The following NUP188 variants were observed in gnomAD, a reference collection of about 807,000 sequenced individuals.
NUP188 encodes the protein nucleoporin NUP188.
Under a neutral mutation model 223.0 loss-of-function variants are expected in NUP188, and 97 were observed. The observed-to-expected ratio is 0.43, with a 90% CI of 0.37 to 0.51. The LOEUF (loss-of-function observed/expected upper bound fraction) is 0.51, where lower values mean the gene tolerates loss of function less well. Ranked by LOEUF, NUP188 falls within the 20% of genes least tolerant of loss-of-function variation. The pLI is 0.00. For synonymous variants in NUP188, 869 were observed against 828.0 expected (o/e 1.05, Z -0.85); for missense variants, 1,947 against 2,175.6 (o/e 0.89, Z 2.09).
At chr9:128,976,149 A>C (rs1166376058) in intron 12 of NUP188, among the ~76,000 whole-genome samples, 1 of 152,134 alleles carries the variant, frequency 6.6e-6, no homozygotes, top group Non-Finnish European at 1.5e-5. Context: ...TTCTGGTACA[A>C]GATGTTACAG....
At chr9:128,968,792 AGG>A (rs1842067233) in intron 9 of NUP188, 75 bp downstream of exon 9, 1 of 1,142,436 alleles carries the variant, frequency 8.8e-7, no homozygotes, top group African/African-American at 1.5e-5. Flanking sequence ...GTAAGCAGGT[AGG>A]GGGTAGGTGT....
intron 41 of NUP188, 93 bp downstream of exon 41, chr9:129,005,869 C>T: frequency 6.7e-7 from 1 of 1,491,116 alleles, no homozygotes. Flanking sequence ...GGGCATGGTA[C>T]CTAGCCTCCC....
intron 11 of NUP188, among the ~76,000 whole-genome samples, chr9:128,972,802 G>A (rs762968032): frequency 3.9e-5 from 6 of 152,146 alleles, no homozygotes; most frequent in South Asian, 2.1e-4. Context: ...GGCCCTACTC[G>A]TTGTCACTGG....
At chr9:128,998,474 G>C in intron 31 of NUP188, 64 bp from the exon 32 acceptor site, 1 of 1,385,928 alleles carries the variant, frequency 7.2e-7, no homozygotes, top group Non-Finnish European at 1.0e-6. Flanking sequence ...GAGGCCGGAG[G>C]TGCCCTGTGG....
rs1270799379 is a variant in NUP188 at position 128,987,672 on chromosome 9, T to C, written c.2348T>C (p.Ile783Thr). The change falls in exon 23 of 44, where the codon ATT (isoleucine) becomes ACT (threonine). Residue 783 changes from isoleucine to threonine, a missense_variant. Around this residue, in one of 3 missense-constraint regions of NUP188, gnomAD observed 225 missense variants for 319.1 expected, o/e 0.71. Coordinates refer to ENST00000372577, the MANE Select transcript of NUP188 (RefSeq NM_015354.3). ...CAGACAGTTATCAATATCATGGGCA[T>C]TGGCGTGGACACCATTGACATGGTG... is the stretch of plus-strand genomic sequence containing the variant. ...AGQTVINIMG[I>T]GVDTIDMVMA... is the part of the protein sequence containing the mutation. 3 of 1,614,096 alleles carry C rather than the reference T, an allele frequency of 1.9e-6. No homozygotes were observed. The highest frequency in any genetic ancestry group is 2.2e-5 in the East Asian group (1 of 44,880).
chr9:128,976,004 G>A (rs1375083456), intron 12 of NUP188, among the ~76,000 whole-genome samples: 1 of 150,806 alleles, frequency 6.6e-6, no homozygotes, highest in East Asian at 2.0e-4. Context: ...TGTAATTTTA[G>A]TAGAGACAGT....
chr9:128,998,030 T>G, intron 30 of NUP188, 121 bp from the exon 31 acceptor site: 1 of 761,894 alleles, frequency 1.3e-6, no homozygotes, highest in Non-Finnish European at 2.4e-6. Context: ...ATATAAGCCC[T>G]ATTTTAAATC....
chr9:128,966,258 GTC>G (rs1464372291), intron 8 of NUP188, among the ~76,000 whole-genome samples: 9 of 117,684 alleles, frequency 7.6e-5, no homozygotes, highest in Admixed American at 9.4e-5. Flanking sequence ...CTGTCTCTGT[GTC>G]TGTGTGTGTG....
intron 2 of NUP188, among the ~76,000 whole-genome samples, chr9:128,950,670 G>A (rs922722489): frequency 3.9e-5 from 6 of 152,030 alleles, no homozygotes; most frequent in East Asian, 1.9e-4. Context: ...GCAAGACCCC[G>A]TCTCTACAAA....
intron 43 of NUP188, 52 bp downstream of exon 43, chr9:129,006,420 TG>T (rs774687275): frequency 1.9e-6 from 3 of 1,613,442 alleles, no homozygotes; most frequent in Non-Finnish European, 2.5e-6. Flanking sequence ...CAGAGCCCTG[TG>T]GGGTCCTGCC....
chr9:128,979,946 T>G (rs1442439455), intron 13 of NUP188, among the ~76,000 whole-genome samples: 5 of 152,138 alleles, frequency 3.3e-5, no homozygotes, highest in Non-Finnish European at 5.9e-5. Flanking sequence ...AACCCACCAG[T>G]TTTTTGTTTT....
At chr9:128,952,149 A>G (rs886273265) in intron 2 of NUP188, among the ~76,000 whole-genome samples, 10 of 152,012 alleles carry the variant, frequency 6.6e-5, no homozygotes, top group Non-Finnish European at 1.2e-4. Flanking sequence ...CACACCTGTA[A>G]TCCCTGCACT....
chr9:128,997,064 C>A (rs979035495), intron 30 of NUP188, among the ~76,000 whole-genome samples: 2 of 152,130 alleles, frequency 1.3e-5, no homozygotes, highest in Non-Finnish European at 1.5e-5. Flanking sequence ...AATTAAAGTG[C>A]TGTGGTAATG....
At position 129,001,882 on chromosome 9, in the gene NUP188, A is replaced by G. The variant is rs1588294094; in HGVS notation, c.4045-2A>G. 6.2e-7 allele frequency: 1 copy of G among 1,613,598 alleles called. No individual in the cohort carries two copies. The highest frequency in any genetic ancestry group is 2.2e-5 in the East Asian group (1 of 44,882). On this transcript the variant is annotated splice_acceptor_variant, in intron 35 of 43. Coordinates refer to ENST00000372577, the MANE Select transcript of NUP188 (RefSeq NM_015354.3). LOFTEE classifies it high-confidence loss of function. Reference sequence around the variant, plus strand: ...TCATTTCCTGTCTTTCCCTCCTCCCAGGGAGCCACAGCAGTGGCTGGAGCT... The same window carrying G: ...TCATTTCCTGTCTTTCCCTCCTCCCGGGGAGCCACAGCAGTGGCTGGAGCT...
intron 5 of NUP188, 107 bp from the exon 6 acceptor site, chr9:128,957,903 A>G (rs987919619): frequency 1.6e-4 from 133 of 842,666 alleles, no homozygotes; most frequent in South Asian, 2.3e-4. Flanking sequence ...TGTAGAAACA[A>G]ATGTGCAATT....
At chr9:128,983,067 G>C in intron 17 of NUP188, 39 bp downstream of exon 17, 5 of 1,610,388 alleles carry the variant, frequency 3.1e-6, no homozygotes, top group Non-Finnish European at 4.2e-6. Context: ...GCCCAGTAGA[G>C]ATCTCAGCAC....
At chr9:128,966,188 C>T (rs1842026866) in intron 8 of NUP188, among the ~76,000 whole-genome samples, 1 of 139,704 alleles carries the variant, frequency 7.2e-6, no homozygotes, top group African/African-American at 2.7e-5. Context: ...CAGCCTTGTT[C>T]TTTAGTTTTT....
intron 4 of NUP188, 101 bp downstream of exon 4, chr9:128,956,535 G>A (rs1841873966): frequency 3.2e-6 from 2 of 621,538 alleles, no homozygotes. Flanking sequence ...TTTGTTTTGG[G>A]GATTAAATTG....
intron 37 of NUP188, 117 bp downstream of exon 37, chr9:129,003,092 T>G: frequency 8.0e-7 from 1 of 1,244,346 alleles, no homozygotes; most frequent in East Asian, 2.4e-5. Context: ...TGTCGATGCC[T>G]TCATTTTTGA....
Sources: gnomAD v4.1 joint callset for allele counts (sites outside exome capture counted in the v4.1 genomes callset) on GRCh38, gnomAD v4.1.1 for gene constraint, gnomAD v4.1.1 regional missense constraint, MANE v1.5 for transcripts, NCBI Gene and HGNC (gene_info 2026-07-23, HGNC 2026-07-21) for gene names.